The following PEX7 variants were observed in gnomAD, a reference collection of about 807,000 sequenced individuals.
PEX7 encodes peroxisomal biogenesis factor 7.
PEX7 carries 34 observed loss-of-function variants against 47.5 expected under a neutral mutation model. That is an observed-to-expected ratio of 0.72 (90% CI 0.54 to 0.95). PEX7 has a LOEUF of 0.95. PEX7 is among the 40% of genes least tolerant of loss of function. PEX7 has a pLI of 0.00. For missense variants in PEX7, 394 were observed against 400.3 expected (o/e 0.98, Z 0.13); for synonymous variants, 141 against 148.8 (o/e 0.95, Z 0.38).
chr6:136,855,217 G>C (rs1774837823), intron 5 of PEX7, among the ~76,000 whole-genome samples: 1 of 152,086 alleles, frequency 6.6e-6, no homozygotes, highest in Non-Finnish European at 1.5e-5. Context: ...TGTATATTTG[G>C]AAAAGTATTA....
chr6:136,908,763 T>C (rs769983917), intron 9 of PEX7, among the ~76,000 whole-genome samples: 1 of 152,228 alleles, frequency 6.6e-6, no homozygotes. Flanking sequence ...AGAGGAGTTA[T>C]AATGCAATTA....
chr6:136,837,780 A>T (rs1257423449), intron 3 of PEX7, among the ~76,000 whole-genome samples: 1 of 151,806 alleles, frequency 6.6e-6, no homozygotes, highest in Admixed American at 6.6e-5. Context: ...CTATTGGAAC[A>T]ACCAAAAGAA....
At position 136,846,163 on chromosome 6, in the gene PEX7, T is replaced by C. The variant is rs373624730; in HGVS notation, c.508T>C (p.Cys170Arg). Residue 170 changes from cysteine (C) to arginine (R), a missense_variant, in exon 5 of 10, where the codon TGT becomes CGT. By Grantham distance (180) the Cys-to-Arg change is radical. Coordinates refer to ENST00000318471, the MANE Select transcript of PEX7 (RefSeq NM_000288.4). ...STIWSPHIPG[C>R]FASASGDQTL... ...AATCTGGTCTCCCCACATCCCTGGTTGTTTTGCTTCAGCCTCAGGTAAATT... is the reference window on the plus strand; with the variant it reads ...AATCTGGTCTCCCCACATCCCTGGTCGTTTTGCTTCAGCCTCAGGTAAATT... The C allele has an allele frequency of 5.0e-6, 8 of 1,611,136 alleles. No individual in the cohort carries two copies. The highest frequency in any genetic ancestry group is 6.8e-6 in the Non-Finnish European group (8 of 1,177,566).
intron 9 of PEX7, among the ~76,000 whole-genome samples, chr6:136,904,615 G>GA (rs1006764870): frequency 1.3e-5 from 2 of 151,760 alleles, no homozygotes; most frequent in African/African-American, 4.8e-5. Context: ...CTATAAGGGG[G>GA]AGTTTCCCTG....
chr6:136,883,378 A>G (rs1410925730), intron 8 of PEX7, among the ~76,000 whole-genome samples: 1 of 152,190 alleles, frequency 6.6e-6, no homozygotes, highest in African/African-American at 2.4e-5. Context: ...AAAAGCCACT[A>G]GCGACCTCTG....
intron 5 of PEX7, among the ~76,000 whole-genome samples, chr6:136,854,336 G>A (rs529490682): frequency 3.9e-5 from 6 of 151,918 alleles, no homozygotes; most frequent in Non-Finnish European, 7.4e-5. Context: ...ACAGGTGTGC[G>A]CCATCACACC....
chr6:136,907,640 T>C (rs531615612), intron 9 of PEX7, among the ~76,000 whole-genome samples: 2 of 152,248 alleles, frequency 1.3e-5, no homozygotes, highest in South Asian at 4.1e-4. Flanking sequence ...AAGGGTATAA[T>C]GATAAATAGG....
At chr6:136,884,838 G>A (rs997135185) in intron 8 of PEX7, among the ~76,000 whole-genome samples, 3 of 152,138 alleles carry the variant, frequency 2.0e-5, no homozygotes, top group African/African-American at 4.8e-5. Context: ...GGACAATATA[G>A]TCTATCAAAA....
chr6:136,903,355 TC>T (rs1364193736), intron 9 of PEX7, among the ~76,000 whole-genome samples: 1 of 149,448 alleles, frequency 6.7e-6, no homozygotes, highest in African/African-American at 2.5e-5. Context: ...TTTTTTTTTT[TC>T]ATAGAGACAG....
At chr6:136,889,715 AAT>A (rs1413705277) in intron 8 of PEX7, among the ~76,000 whole-genome samples, 2 of 152,232 alleles carry the variant, frequency 1.3e-5, no homozygotes, top group African/African-American at 4.8e-5. Context: ...GTCAAAAGAT[AAT>A]ATCTGAAAAT....
chr6:136,872,337 A>T, intron 8 of PEX7, 84 bp downstream of exon 8: 1 of 936,798 alleles, frequency 1.1e-6, no homozygotes, highest in Non-Finnish European at 1.7e-6. Context: ...TAATATGATT[A>T]CTCTTACTAA....
At chr6:136,895,356 A>G (rs1423528940) in intron 8 of PEX7, among the ~76,000 whole-genome samples, 1 of 152,178 alleles carries the variant, frequency 6.6e-6, no homozygotes, top group African/African-American at 2.4e-5. Flanking sequence ...AATTTACTGT[A>G]TTTAACAATA....
rs1775188929 is a variant in PEX7 at position 136,871,940 on chromosome 6, T to A, written c.748-258T>A. Among the ~76,000 whole-genome samples the A allele has an allele frequency of 2.0e-5, 3 of 152,152 alleles. No individual in the cohort carries two copies. In the South Asian group the frequency reaches 6.2e-4, roughly 32 times the overall value. ...TAGCAACATTTTGGGAATATTTTATTCTAAATAAGTTCTAAAAAGCTTGAG... is the reference window on the plus strand; with the variant it reads ...TAGCAACATTTTGGGAATATTTTATACTAAATAAGTTCTAAAAAGCTTGAG... On this transcript the variant is annotated intron_variant, in intron 7 of 9. Transcript: ENST00000318471.
intron 8 of PEX7, among the ~76,000 whole-genome samples, chr6:136,877,819 G>GT (rs1048882400): frequency 2.6e-5 from 4 of 152,064 alleles, no homozygotes; most frequent in African/African-American, 9.7e-5. Context: ...ATTTAAAGTA[G>GT]TTTTTTTCTA....
chr6:136,913,574 C>G lies in PEX7; in HGVS notation c.*48C>G, dbSNP rs201006197. 3.5e-6 allele frequency: 4 copies of G among 1,153,532 alleles called. No individual in the cohort carries two copies. The East Asian group carries it at 9.4e-5, about 27-fold the overall frequency. The allele number at this position is 1,153,532 out of a possible 1,614,324, so 71.5% of individuals were successfully genotyped here. Reference sequence around the variant, plus strand: ...CAGAGGATGTTGGCTGAAGAACTGCCTAACAGCAAATAAATTAACTATGGA... The same window carrying G: ...CAGAGGATGTTGGCTGAAGAACTGCGTAACAGCAAATAAATTAACTATGGA... On this transcript the variant is annotated 3_prime_UTR_variant, in exon 10 of 10. Coordinates refer to ENST00000318471, the MANE Select transcript of PEX7 (RefSeq NM_000288.4).
chr6:136,844,020 CTTAATA>C (rs1192532160), intron 3 of PEX7, among the ~76,000 whole-genome samples: 1 of 152,000 alleles, frequency 6.6e-6, no homozygotes, highest in Non-Finnish European at 1.5e-5. Context: ...TTTTTTGAAG[CTTAATA>C]TTAATTTTAT....
intron 5 of PEX7, among the ~76,000 whole-genome samples, chr6:136,854,827 C>G (rs1346902686): frequency 6.6e-6 from 1 of 152,182 alleles, no homozygotes; most frequent in African/African-American, 2.4e-5. Flanking sequence ...TGGCTCACAT[C>G]TGTAATCCCA....
intron 3 of PEX7, among the ~76,000 whole-genome samples, chr6:136,829,067 CAATT>C (rs1562727214): frequency 6.6e-6 from 1 of 152,114 alleles, no homozygotes; most frequent in Non-Finnish European, 1.5e-5. Context: ...TAATAGAAAA[CAATT>C]AAATGGCTTC....
At position 136,871,992 on chromosome 6, in the gene PEX7, A is replaced by AAT. The variant is rs59254619; in HGVS notation, c.748-203_748-202dup. Among the ~76,000 whole-genome samples the AAT allele has an allele frequency of 0.41, 61,887 of 151,924 alleles. 13,298 individuals carry two copies. Among genetic ancestry groups the AAT allele is most frequent in the South Asian group, 0.51 (2,459 of 4,818 alleles). On this transcript the variant is annotated intron_variant, in intron 7 of 9. Transcript: ENST00000318471. ...GATAATTTTCTTTGGAGAATGTAAA[A>AAT]ATATTTTTCCTGAAGATGGATACTT...
Sources: gnomAD v4.1 joint callset for allele counts (sites outside exome capture counted in the v4.1 genomes callset) on GRCh38, gnomAD v4.1.1 for gene constraint, MANE v1.5 for transcripts, NCBI Gene and HGNC (gene_info 2026-07-23, HGNC 2026-07-21) for gene names.